Variants in AP2B1 observed in about 807,000 individuals in gnomAD.
The protein encoded by AP2B1 is AP-2 complex subunit beta.
A neutral mutation model predicts 102.0 loss-of-function variants in AP2B1; 23 were observed. The observed-to-expected ratio is 0.23, with a 90% CI of 0.16 to 0.32. AP2B1 has a LOEUF of 0.32. Ranked by LOEUF, AP2B1 falls within the 10% of genes least tolerant of loss-of-function variation. AP2B1 has a pLI of 1.00. For synonymous variants in AP2B1, 381 were observed against 421.2 expected, an observed-to-expected ratio of 0.90 and a Z score of 1.17; for missense variants, 541 against 1,157.4, an observed-to-expected ratio of 0.47 and a Z score of 7.73.
In AP2B1 at chr17:35,641,864, T is replaced by G. The variant is rs1291555110; in HGVS notation, c.1438-13T>G. ...GCCATTCTTTCACACTATCACAAAT[T>G]ATGTCTGTTTAGGTGCAGCTCACTC... On this transcript the variant is annotated splice_polypyrimidine_tract_variant and intron_variant, in intron 11 of 21. Transcript: ENST00000610402. 1.9e-6 allele frequency: 3 copies of G among 1,588,908 alleles called. No individual in the cohort carries two copies.
Position 35,594,078 on chromosome 17 carries a change from G to A in AP2B1, c.37+11G>A. 1 of 1,575,398 alleles carries A rather than the reference G, an allele frequency of 6.3e-7. No homozygotes were observed. The highest frequency in any genetic ancestry group is 8.7e-7 in the Non-Finnish European group (1 of 1,155,774). On this transcript the variant is annotated intron_variant, in intron 2 of 21. Coordinates refer to ENST00000610402, the MANE Select transcript of AP2B1 (RefSeq NM_001030006.2). ...CAACCAATAAAAAAGGTAAGTATGA[G>A]AATACAATCAAATCTTTTGAAATTT...
chr17:35,625,419 T>C (rs753948459), intron 6 of AP2B1, among the ~76,000 whole-genome samples: 2 of 152,198 alleles, frequency 1.3e-5, no homozygotes, highest in Non-Finnish European at 2.9e-5. Flanking sequence ...TTTCTTTCCA[T>C]CACTGAAAGT....
intron 12 of AP2B1, among the ~76,000 whole-genome samples, chr17:35,643,013 A>G (rs980594824): frequency 6.8e-6 from 1 of 148,076 alleles, no homozygotes; most frequent in Non-Finnish European, 1.5e-5. Flanking sequence ...TATTCCTCCC[A>G]CACCCCCCAC....
intron 9 of AP2B1, among the ~76,000 whole-genome samples, chr17:35,635,880 G>T (rs1256519863): frequency 6.6e-6 from 1 of 151,872 alleles, no homozygotes; most frequent in Non-Finnish European, 1.5e-5. Flanking sequence ...GTGGAGACGG[G>T]GTTTCACCAT....
At chr17:35,659,154 AT>A (rs2075302990) in intron 14 of AP2B1, among the ~76,000 whole-genome samples, 1 of 152,206 alleles carries the variant, frequency 6.6e-6, no homozygotes, top group Non-Finnish European at 1.5e-5. Context: ...TTAAATGTTC[AT>A]GGAGGCTCCT....
intron 5 of AP2B1, among the ~76,000 whole-genome samples, chr17:35,622,051 AAT>A (rs746972852): frequency 6.6e-6 from 1 of 152,202 alleles, no homozygotes; most frequent in Non-Finnish European, 1.5e-5. Context: ...AGGGAAATAA[AAT>A]ATCTTGCATG....
chr17:35,705,769 G>A (rs1328185400), intron 18 of AP2B1, among the ~76,000 whole-genome samples: 1 of 152,064 alleles, frequency 6.6e-6, no homozygotes, highest in Non-Finnish European at 1.5e-5. Context: ...TAATCCGCCT[G>A]CCTCAGCTTC....
intron 11 of AP2B1, among the ~76,000 whole-genome samples, chr17:35,641,171 G>A (rs550089481): frequency 2.0e-5 from 3 of 152,256 alleles, no homozygotes; most frequent in South Asian, 2.1e-4. Flanking sequence ...GCCCCAGTAC[G>A]ACAGATGATT....
chr17:35,723,592 T>G (rs1555593946), intron 21 of AP2B1, 33 bp from the exon 22 acceptor site: 1 of 1,489,586 alleles, frequency 6.7e-7, no homozygotes, highest in Admixed American at 1.7e-5. Flanking sequence ...CCAACCTCTG[T>G]GCTAATCTTC....
chr17:35,699,316 A>C (rs6505491), intron 18 of AP2B1, among the ~76,000 whole-genome samples: 1 of 151,996 alleles, frequency 6.6e-6, no homozygotes, highest in Non-Finnish European at 1.5e-5. Context: ...GCTGAAGTGC[A>C]TATTAGGGAC....
intron 12 of AP2B1, among the ~76,000 whole-genome samples, chr17:35,644,507 A>G (rs545553424): frequency 6.6e-6 from 1 of 150,778 alleles, no homozygotes; most frequent in Non-Finnish European, 1.5e-5. Flanking sequence ...CTTCCTGAGT[A>G]GCTGGGATTA....
intron 13 of AP2B1, among the ~76,000 whole-genome samples, chr17:35,656,747 C>T (rs188313497): frequency 1.6e-4 from 24 of 152,044 alleles, no homozygotes; most frequent in Middle Eastern, 3.4e-3. Context: ...TAGCCGGGCA[C>T]GGTGGTGGGC....
Position 35,657,650 on chromosome 17 carries a change from A to G in AP2B1, c.1848A>G (p.Glu616=), listed in dbSNP as rs1249448297. The change falls in exon 14 of 22, where the codon GAA becomes GAG. Residue 616 remains glutamate, a synonymous_variant. Transcript: ENST00000610402. ...GCACTACCACTGCAACGAACCTGGA[A>G]CAGCCTCAGGTTATCCCCTCTCAAG... ...PVGTTTATNL[E]QPQVIPSQGD... 6.2e-7 allele frequency: 1 copy of G among 1,614,124 alleles called. No homozygotes were observed. The highest frequency in any genetic ancestry group is 8.5e-7 in the Non-Finnish European group (1 of 1,179,978).
intron 9 of AP2B1, among the ~76,000 whole-genome samples, chr17:35,629,734 G>A (rs995312336): frequency 4.6e-5 from 7 of 152,204 alleles, no homozygotes; most frequent in African/African-American, 1.7e-4. Flanking sequence ...TCGACTATCA[G>A]GTTTCTGCTT....
intron 11 of AP2B1, among the ~76,000 whole-genome samples, chr17:35,640,376 A>C (rs1190697317): frequency 6.7e-6 from 1 of 150,030 alleles, no homozygotes; most frequent in Non-Finnish European, 1.5e-5. Flanking sequence ...AGCTGGGATT[A>C]CAGGCATTCA....
At chr17:35,699,428 T>A (rs982911135) in intron 18 of AP2B1, among the ~76,000 whole-genome samples, 12 of 152,222 alleles carry the variant, frequency 7.9e-5, no homozygotes, top group Non-Finnish European at 2.9e-5. Flanking sequence ...AATAAATCAG[T>A]ATGGCTTTAT....
At chr17:35,635,941 A>T (rs567216930) in intron 9 of AP2B1, among the ~76,000 whole-genome samples, 1 of 150,920 alleles carries the variant, frequency 6.6e-6, no homozygotes, top group African/African-American at 2.4e-5. Flanking sequence ...CACCTGCCTC[A>T]GCCTCCCAAA....
intron 1 of AP2B1, among the ~76,000 whole-genome samples, chr17:35,589,627 A>G (rs1033690437): frequency 6.6e-6 from 1 of 152,228 alleles, no homozygotes; most frequent in African/African-American, 2.4e-5. Context: ...ATGCAGTGAC[A>G]TCACACTCTG....
At chr17:35,687,877 A>G (rs1001316006) in intron 18 of AP2B1, among the ~76,000 whole-genome samples, 1 of 152,140 alleles carries the variant, frequency 6.6e-6, no homozygotes, top group African/African-American at 2.4e-5. Flanking sequence ...ATGACTGCAT[A>G]TATTCTTTGA....
Sources: gnomAD v4.1 joint callset for allele counts (sites outside exome capture counted in the v4.1 genomes callset) on GRCh38, gnomAD v4.1.1 for gene constraint, MANE v1.5 for transcripts, NCBI Gene and HGNC (gene_info 2026-07-23, HGNC 2026-07-21) for gene names.